The following SUMF1 variants were observed in gnomAD, a reference collection of about 807,000 sequenced individuals.
SUMF1 encodes sulfatase modifying factor 1, also known as formylglycine-generating enzyme.
Under a neutral mutation model 47.6 loss-of-function variants are expected in SUMF1, and 48 were observed. That is an observed-to-expected ratio of 1.01 (90% CI 0.80 to 1.28). The LOEUF (loss-of-function observed/expected upper bound fraction) is 1.28. Among genes scored for constraint, SUMF1 ranks in the 50% most tolerant of loss-of-function variants. The probability of loss-of-function intolerance (pLI) is 0.00; values close to 1 mark genes in which losing one functional copy is unlikely to be tolerated. For synonymous variants in SUMF1, 230 were observed against 192.1 expected (o/e 1.20, Z -1.63); for missense variants, 571 against 485.4 (o/e 1.18, Z -1.66).
chr3:4,262,190 A>G (rs1284199490), intron 8 of SUMF1, among the ~76,000 whole-genome samples: 1 of 152,150 alleles, frequency 6.6e-6, no homozygotes, highest in East Asian at 1.9e-4. Flanking sequence ...GGTACCTGAA[A>G]GTGCCCTTTC....
chr3:4,340,863 A>G (rs1392132039), intron 8 of SUMF1, among the ~76,000 whole-genome samples: 1 of 152,208 alleles, frequency 6.6e-6, no homozygotes, highest in South Asian at 2.1e-4. Context: ...CAGGGCTTTT[A>G]CAACTTTTTT....
At chr3:4,090,544 T>G (rs1375027993) in intron 8 of SUMF1, among the ~76,000 whole-genome samples, 1 of 152,100 alleles carries the variant, frequency 6.6e-6, no homozygotes, top group Non-Finnish European at 1.5e-5. Flanking sequence ...GATGAATAAA[T>G]ATAAACCACT....
intron 8 of SUMF1, among the ~76,000 whole-genome samples, chr3:4,120,158 C>T (rs1693506911): frequency 6.6e-6 from 1 of 151,986 alleles, no homozygotes; most frequent in Admixed American, 6.6e-5. Context: ...TTAAAGTTGC[C>T]AATTTTGTAT....
At chr3:4,376,248 C>T (rs1297496342) in intron 8 of SUMF1, 82 bp downstream of exon 8, 3 of 1,505,868 alleles carry the variant, frequency 2.0e-6, no homozygotes, top group Non-Finnish European at 2.8e-6. Flanking sequence ...GTGAATGAGA[C>T]ATTTGGGGCT....
At chr3:4,365,827 T>C (rs1004638238) in intron 8 of SUMF1, among the ~76,000 whole-genome samples, 2 of 152,122 alleles carry the variant, frequency 1.3e-5, no homozygotes, top group African/African-American at 4.8e-5. Flanking sequence ...GTCTTTACAA[T>C]TTGGCATGAT....
chr3:4,453,464 C>G (rs2125135409), intron 1 of SUMF1, among the ~76,000 whole-genome samples: 1 of 152,000 alleles, frequency 6.6e-6, no homozygotes, highest in African/African-American at 2.4e-5. Flanking sequence ...ACTTCCCAGA[C>G]TCAAGCGATT....
At chr3:4,215,912 C>T (rs1439374766) in intron 8 of SUMF1, among the ~76,000 whole-genome samples, 2 of 152,110 alleles carry the variant, frequency 1.3e-5, no homozygotes, top group East Asian at 3.9e-4. Flanking sequence ...AATGGAAAAA[C>T]ATTCCATGCT....
chr3:4,168,582 G>A (rs1293488024), intron 8 of SUMF1, among the ~76,000 whole-genome samples: 1 of 152,156 alleles, frequency 6.6e-6, no homozygotes. Flanking sequence ...TTCACTTACA[G>A]AATGTATACT....
In SUMF1 at chr3:4,267,623, A is replaced by G. The variant is rs867665501; in HGVS notation, c.1014+108707T>C. On this transcript the variant is annotated intron_variant and NMD_transcript_variant, in intron 8 of 12. Transcript: ENST00000448413. Reference sequence around the variant, plus strand: ...AAGAAGACATTTATGCAGCCAAAAAACACATGAAAAAATGCTCACCATAAC... The same window carrying G: ...AAGAAGACATTTATGCAGCCAAAAAGCACATGAAAAAATGCTCACCATAAC... Among the ~76,000 whole-genome samples, 4 of 152,152 alleles carry G rather than the reference A, an allele frequency of 2.6e-5. No homozygotes were observed. The East Asian group carries it at 7.7e-4, about 29-fold the overall frequency.
Position 4,077,931 on chromosome 3 carries a change from A to G in SUMF1, c.1015-9186T>C, listed in dbSNP as rs569270076. ...AAAAGACCATGCTAAGTCAAGAGAA[A>G]GAGACCATGGAAGAAAGAAAAAAGC... is the stretch of plus-strand genomic sequence containing the variant. On this transcript the variant is annotated intron_variant and NMD_transcript_variant, in intron 8 of 12. Transcript: ENST00000448413. 1.0e-3 allele frequency among the ~76,000 whole-genome samples: 159 copies of G among 152,126 alleles called. 1 individual carries two copies. The highest frequency in any genetic ancestry group is 1.9e-3 in the Non-Finnish European group (129 of 68,034).
chr3:4,034,603 T>C (rs1306737241), intron 9 of SUMF1, among the ~76,000 whole-genome samples: 2 of 152,018 alleles, frequency 1.3e-5, no homozygotes, highest in Non-Finnish European at 1.5e-5. Flanking sequence ...CAAATTCAAG[T>C]TTGAGAAACC....
At position 4,189,963 on chromosome 3, in the gene SUMF1, C is replaced by T. The variant is rs1039148084; in HGVS notation, c.1015-121218G>A. Among the ~76,000 whole-genome samples the T allele has an allele frequency of 7.2e-5, 11 of 152,272 alleles. No homozygotes were observed. The East Asian group carries it at 7.7e-4, about 11-fold the overall frequency. On this transcript the variant is annotated intron_variant and NMD_transcript_variant, in intron 8 of 12. Coordinates refer to the SUMF1 transcript ENST00000448413. ...AATCAATTTTCCTTGCCCTCCACTT[C>T]GAAACGCATTTTTAAATATAGCTCC...
rs2124822777 is a variant in SUMF1, at chr3:4,467,041, G to C, written c.205C>G (p.Arg69Gly). ...GGAGCGTTAGCCTCCCGCGAGTATC[G>C]GTGAGCGGCTGCCGAACTGCCATGG... ...GAHGSSAAAHRYSREANAPGP... is the reference protein window; with the variant it reads ...GAHGSSAAAHGYSREANAPGP... The change falls in exon 1 of 9, where the codon CGA becomes GGA. Residue 69 changes from arginine (R) to glycine (G), a missense_variant. Arg to Gly is a moderately radical substitution (Grantham distance 125). Coordinates refer to ENST00000272902, the MANE Select transcript of SUMF1 (RefSeq NM_182760.4). 4 of 1,575,276 alleles carry C rather than the reference G, an allele frequency of 2.5e-6. No individual in the cohort carries two copies. The highest frequency in any genetic ancestry group is 8.6e-7 in the Non-Finnish European group (1 of 1,161,810).
chr3:4,385,784 T>A (rs1305878224), intron 7 of SUMF1, among the ~76,000 whole-genome samples: 1 of 152,218 alleles, frequency 6.6e-6, no homozygotes, highest in East Asian at 1.9e-4. Context: ...ACTCTGTGAT[T>A]CATTTGGAGT....
chr3:4,328,087 G>A (rs968221882), intron 8 of SUMF1, among the ~76,000 whole-genome samples: 4 of 152,058 alleles, frequency 2.6e-5, no homozygotes, highest in East Asian at 3.9e-4. Context: ...GTGTGATGGC[G>A]GGTGCCTGTA....
At chr3:4,453,160 C>A in intron 1 of SUMF1, 111 bp from the exon 2 acceptor site, 2 of 1,094,882 alleles carry the variant, frequency 1.8e-6, no homozygotes, top group Non-Finnish European at 2.7e-6. Context: ...ATCTTCACCA[C>A]AGTAATAACT....
chr3:4,390,492 G>A (rs923946235), intron 7 of SUMF1, among the ~76,000 whole-genome samples: 1 of 152,156 alleles, frequency 6.6e-6, no homozygotes, highest in Non-Finnish European at 1.5e-5. Flanking sequence ...TTTGGCTAGA[G>A]AGAACAGGCT....
intron 9 of SUMF1, among the ~76,000 whole-genome samples, chr3:4,062,192 A>G (rs770279924): frequency 2.0e-5 from 3 of 152,152 alleles, no homozygotes; most frequent in Non-Finnish European, 4.4e-5. Flanking sequence ...GGGAAATGGA[A>G]GCTGACAGCT....
At chr3:4,422,910 T>C (rs1701949824) in intron 3 of SUMF1, among the ~76,000 whole-genome samples, 2 of 151,958 alleles carry the variant, frequency 1.3e-5, no homozygotes. Context: ...TCCTAAGCAG[T>C]ATACACTGAA....
Sources: gnomAD v4.1 joint callset for allele counts (sites outside exome capture counted in the v4.1 genomes callset) on GRCh38, gnomAD v4.1.1 for gene constraint, MANE v1.5 for transcripts, NCBI Gene and HGNC (gene_info 2026-07-23, HGNC 2026-07-21) for gene names.